The following RHOBTB1 variants were observed in gnomAD, a reference collection of about 807,000 sequenced individuals.
RHOBTB1 encodes Rho related BTB domain containing 1.
In RHOBTB1, 40 loss-of-function variants were observed where a neutral mutation model predicts 71.6. The observed-to-expected ratio is 0.56, with a 90% CI of 0.43 to 0.73. The LOEUF (loss-of-function observed/expected upper bound fraction) is 0.73, where lower values mean the gene tolerates loss of function less well. Ranked by LOEUF, RHOBTB1 falls within the 30% of genes least tolerant of loss-of-function variation. The pLI is 0.00. For missense variants in RHOBTB1, 797 were observed against 894.0 expected, an observed-to-expected ratio of 0.89 and a Z score of 1.38; for synonymous variants, 319 against 334.9, an observed-to-expected ratio of 0.95 and a Z score of 0.52.
intron 4 of RHOBTB1, among the ~76,000 whole-genome samples, chr10:60,904,771 T>C (rs2082581744): frequency 6.6e-6 from 1 of 152,246 alleles, no homozygotes; most frequent in Admixed American, 6.5e-5. Flanking sequence ...CTAACAGTTT[T>C]AACCTAACCT....
intron 2 of RHOBTB1, among the ~76,000 whole-genome samples, chr10:60,913,306 G>C (rs2083089837): frequency 6.6e-6 from 1 of 152,106 alleles, no homozygotes; most frequent in Non-Finnish European, 1.5e-5. Flanking sequence ...TATGTGCTTA[G>C]GTTAGGATTA....
At chr10:60,952,205 C>T (rs559821682) in intron 2 of RHOBTB1, among the ~76,000 whole-genome samples, 2 of 152,180 alleles carry the variant, frequency 1.3e-5, no homozygotes, top group East Asian at 1.9e-4. Flanking sequence ...TTAAAACTGT[C>T]TTTTATGGTG....
rs756153141 is a variant in RHOBTB1, at chr10:60,891,334, CTT to C, written c.482+1474_482+1475del. On this transcript the variant is annotated intron_variant, in intron 5 of 10. Transcript: ENST00000337910. ...GGATTTTTGTTGTTGTTGCTGTTTG[CTT>C]TTTTTTTTTTTTTTTTTTTTTTGAG... Among the ~76,000 whole-genome samples the C allele has an allele frequency of 6.9e-3, 491 of 71,276 alleles. 3 individuals are homozygous for C. The highest frequency in any genetic ancestry group is 0.027 in the African/African-American group (450 of 16,542). The allele number at this position is 71,276 out of a possible 152,430, so 46.8% of individuals were successfully genotyped here.
rs896295287 is a variant in RHOBTB1 at position 60,869,871 on chromosome 10, G to T, written c.*1611C>A. On this transcript the variant is annotated 3_prime_UTR_variant, in exon 11 of 11. Transcript: ENST00000337910. ...TGATGCATTTCTGGGCCTCTCCTAA[G>T]ATCTTCTATCTGGTGTTTCCACTGC... The T allele has an allele frequency of 6.6e-6, 1 of 152,626 alleles. No individual in the cohort carries two copies. Among genetic ancestry groups the T allele is most frequent in the African/African-American group, 2.4e-5 (1 of 41,448 alleles). 9.5% of individuals were successfully genotyped at this position (152,626 alleles called of 1,614,324 possible).
chr10:60,899,986 G>A (rs2082337009), intron 4 of RHOBTB1, among the ~76,000 whole-genome samples: 1 of 152,086 alleles, frequency 6.6e-6, no homozygotes. Context: ...GCCAGTATCT[G>A]GGGGAAGAAC....
intron 7 of RHOBTB1, among the ~76,000 whole-genome samples, chr10:60,881,926 T>G (rs918161671): frequency 1.3e-5 from 2 of 152,176 alleles, no homozygotes; most frequent in African/African-American, 4.8e-5. Flanking sequence ...TTAACATTTT[T>G]TGAAGTGATG....
At chr10:60,861,301 A>G in the RHOBTB1 span, among the ~76,000 whole-genome samples, 1 of 152,174 alleles carries the variant, frequency 6.6e-6, no homozygotes, top group African/African-American at 2.4e-5. Context: ...CTGTTTGCAT[A>G]TGTTCCGATA....
chr10:60,955,043 C>CTTTTTTTTTTT (rs34012455), intron 2 of RHOBTB1, among the ~76,000 whole-genome samples: 2 of 112,832 alleles, frequency 1.8e-5, no homozygotes, highest in African/African-American at 3.3e-5. Context: ...TTCTTTCTTT[C>CTTTTTTTTTTT]TTTTTTTTTT....
chr10:60,904,408 T>A (rs1185873646), intron 4 of RHOBTB1, among the ~76,000 whole-genome samples: 1 of 152,238 alleles, frequency 6.6e-6, no homozygotes, highest in African/African-American at 2.4e-5. Flanking sequence ...TTCCTTATGT[T>A]CCTTTGTGAT....
intron 1 of RHOBTB1, among the ~76,000 whole-genome samples, chr10:60,942,988 G>C (rs1018369827): frequency 6.6e-6 from 1 of 152,078 alleles, no homozygotes; most frequent in African/African-American, 2.4e-5. Flanking sequence ...AAGGCTCAGT[G>C]AACAGCACAG....
At chr10:60,950,145 A>T (rs2085363276) in intron 2 of RHOBTB1, among the ~76,000 whole-genome samples, 1 of 152,216 alleles carries the variant, frequency 6.6e-6, no homozygotes. Flanking sequence ...TTTTATGGTC[A>T]TCTGTCTGAC....
At chr10:60,880,720 G>T (rs1324741338) in intron 7 of RHOBTB1, among the ~76,000 whole-genome samples, 1 of 152,082 alleles carries the variant, frequency 6.6e-6, no homozygotes, top group Non-Finnish European at 1.5e-5. Flanking sequence ...GCAATACACA[G>T]ATGTTGGAAC....
chr10:60,909,048 G>C (rs1370519831), intron 4 of RHOBTB1, among the ~76,000 whole-genome samples: 1 of 152,230 alleles, frequency 6.6e-6, no homozygotes, highest in East Asian at 1.9e-4. Flanking sequence ...AACCGATGGA[G>C]TCACAGGAAA....
rs117578432 is a variant in RHOBTB1, at chr10:60,960,328, C to A, written c.-61-18474G>T. ...CAACCAGAACCCCCTATTGATTATG[C>A]TGGCGAATTTAATCAAATAGTATGT... On this transcript the variant is annotated intron_variant, in intron 2 of 11. Coordinates refer to the RHOBTB1 transcript ENST00000357917. 4.9e-3 allele frequency among the ~76,000 whole-genome samples: 752 copies of A among 152,278 alleles called. 26 individuals carry two copies. The highest frequency in any genetic ancestry group is 0.044 in the Admixed American group (676 of 15,292).
chr10:60,956,002 T>C (rs1244343570), intron 2 of RHOBTB1, among the ~76,000 whole-genome samples: 1 of 152,228 alleles, frequency 6.6e-6, no homozygotes, highest in Non-Finnish European at 1.5e-5. Flanking sequence ...AATACAGTCA[T>C]GCATCCCTTA....
chr10:60,928,998 T>C (rs1329249187), intron 2 of RHOBTB1, among the ~76,000 whole-genome samples: 2 of 152,130 alleles, frequency 1.3e-5, no homozygotes, highest in East Asian at 1.9e-4. Context: ...GAAGCAAGCA[T>C]GTCTTCACAT....
chr10:60,864,119 C>A, the RHOBTB1 span, among the ~76,000 whole-genome samples: 2 of 152,160 alleles, frequency 1.3e-5, no homozygotes, highest in African/African-American at 2.4e-5. Flanking sequence ...GGCTTCCTGG[C>A]TTGGCTTCTC....
intron 2 of RHOBTB1, among the ~76,000 whole-genome samples, chr10:60,963,379 T>C (rs1482305964): frequency 2.6e-5 from 4 of 152,174 alleles, no homozygotes; most frequent in African/African-American, 4.8e-5. Flanking sequence ...AAAGAGATCC[T>C]GAAAGATAAA....
At chr10:60,862,176 CTTTT>C in the RHOBTB1 span, among the ~76,000 whole-genome samples, 1 of 146,814 alleles carries the variant, frequency 6.8e-6, no homozygotes, top group Non-Finnish European at 1.5e-5. Context: ...CTCTTTCTTT[CTTTT>C]CTTTTTTTTC....
Sources: gnomAD v4.1 joint callset for allele counts (sites outside exome capture counted in the v4.1 genomes callset) on GRCh38, gnomAD v4.1.1 for gene constraint, MANE v1.5 for transcripts, NCBI Gene and HGNC (gene_info 2026-07-23, HGNC 2026-07-21) for gene names.